Variants in CFAP54 observed in about 807,000 individuals in gnomAD.
The protein encoded by CFAP54 is cilia- and flagella-associated protein 54.
Under a neutral mutation model 370.4 loss-of-function variants are expected in CFAP54, and 290 were observed. The observed-to-expected ratio is 0.78, with a 90% CI of 0.71 to 0.86. The LOEUF is 0.86. Among genes scored for constraint, CFAP54 ranks in the 40% least tolerant of loss-of-function variants. The pLI, the probability that CFAP54 is intolerant of heterozygous loss-of-function variation, is 0.00. For missense variants in CFAP54, 3,399 were observed against 3,528.7 expected (o/e 0.96, Z 0.93); for synonymous variants, 1,206 against 1,236.5 (o/e 0.98, Z 0.52).
chr12:96,744,321 A>G lies in CFAP54; in HGVS notation c.7684+175A>G, dbSNP rs146165420. On this transcript the variant is annotated intron_variant, in intron 55 of 67. Coordinates refer to ENST00000524981, the MANE Select transcript of CFAP54 (RefSeq NM_001306084.2). Reference sequence around the variant, plus strand: ...TATCATATGCCAGACTGTGTGATGTATAGATGGTCTTTATATATGAATAAA... The same window carrying G: ...TATCATATGCCAGACTGTGTGATGTGTAGATGGTCTTTATATATGAATAAA... Among the ~76,000 whole-genome samples the G allele has an allele frequency of 2.6e-4, 39 of 152,338 alleles. No individual in the cohort carries two copies. In the East Asian group the frequency reaches 4.0e-3, roughly 16 times the overall value.
chr12:96,654,267 C>T (rs1316134153), intron 36 of CFAP54, among the ~76,000 whole-genome samples: 1 of 152,000 alleles, frequency 6.6e-6, no homozygotes, highest in South Asian at 2.1e-4. Flanking sequence ...TTTGGGAGGC[C>T]GAGGCGGGCG....
At chr12:96,729,514 G>A (rs1382118645) in intron 50 of CFAP54, among the ~76,000 whole-genome samples, 1 of 152,230 alleles carries the variant, frequency 6.6e-6, no homozygotes, top group Non-Finnish European at 1.5e-5. Context: ...AATTCTCCTG[G>A]TGCGCTGTTT....
At chr12:96,700,576 C>T (rs947964512) in intron 46 of CFAP54, among the ~76,000 whole-genome samples, 4 of 152,212 alleles carry the variant, frequency 2.6e-5, no homozygotes, top group Middle Eastern at 3.4e-3. Flanking sequence ...TATTGTCTAA[C>T]CTTTTTTGAT....
At chr12:96,495,276 C>A (rs1452837522) in intron 1 of CFAP54, among the ~76,000 whole-genome samples, 1 of 145,604 alleles carries the variant, frequency 6.9e-6, no homozygotes, top group African/African-American at 2.5e-5. Flanking sequence ...TTCCTTCCTT[C>A]CTTCCTTCCT....
At chr12:96,592,105 A>G (rs1281188078) in intron 23 of CFAP54, among the ~76,000 whole-genome samples, 2 of 152,114 alleles carry the variant, frequency 1.3e-5, no homozygotes, top group African/African-American at 2.4e-5. Flanking sequence ...CATAGTAGGC[A>G]TTCATCAATT....
rs1329720363 is a variant in CFAP54, at chr12:96,603,244, G to A, written c.3639+4477G>A. 2.0e-5 allele frequency among the ~76,000 whole-genome samples: 3 copies of A among 152,132 alleles called. No individual in the cohort carries two copies. In the East Asian group the frequency reaches 5.8e-4, roughly 29 times the overall value. On this transcript the variant is annotated intron_variant, in intron 26 of 67. Transcript: ENST00000524981. ...TAGTTTGGCTGGATATGAAATTCTGGTTTGAAAATTCTTTTCTTTAAGAAT... is the reference window on the plus strand; with the variant it reads ...TAGTTTGGCTGGATATGAAATTCTGATTTGAAAATTCTTTTCTTTAAGAAT...
intron 60 of CFAP54, among the ~76,000 whole-genome samples, chr12:96,781,312 A>C (rs1057112696): frequency 3.3e-5 from 5 of 152,188 alleles, no homozygotes; most frequent in African/African-American, 1.2e-4. Flanking sequence ...TCATGGTCCA[A>C]ATAAGAAGCG....
intron 26 of CFAP54, among the ~76,000 whole-genome samples, chr12:96,617,931 A>G (rs190734960): frequency 5.7e-4 from 81 of 142,946 alleles, no homozygotes; most frequent in Admixed American, 2.4e-3. Context: ...CAGAGCTTGC[A>G]GTGAGCCGAG....
At chr12:96,630,796 T>C (rs1030698011) in intron 32 of CFAP54, 145 bp downstream of exon 32, 2 of 440,022 alleles carry the variant, frequency 4.5e-6, no homozygotes, top group Admixed American at 4.3e-5. Flanking sequence ...GAAAAAAGCA[T>C]AGTAAACAAG....
At chr12:96,826,591 TA>T (rs540592647) in intron 65 of CFAP54, among the ~76,000 whole-genome samples, 2,927 of 109,810 alleles carry the variant, frequency 0.027, 166 homozygotes, top group African/African-American at 0.1. Context: ...ATGTATTATA[TA>T]AATATATTAT....
In CFAP54 at chr12:96,618,426, G is replaced by C. The variant is rs534095413; in HGVS notation, c.3640-3164G>C. 1.1e-4 allele frequency among the ~76,000 whole-genome samples: 16 copies of C among 152,310 alleles called. No homozygotes were observed. In the South Asian group the frequency reaches 3.3e-3, roughly 32 times the overall value. On this transcript the variant is annotated intron_variant, in intron 26 of 67. Transcript: ENST00000524981. ...CAGCACATGTGGGAGGGGTTAGTCT[G>C]GACAGGAGATTCGCTTCTCGTCTCT...
At chr12:96,661,376 TCTAGCTAG>T (rs970025514) in intron 38 of CFAP54, among the ~76,000 whole-genome samples, 1 of 152,178 alleles carries the variant, frequency 6.6e-6, no homozygotes, top group Non-Finnish European at 1.5e-5. Flanking sequence ...ATCACATCTG[TCTAGCTAG>T]CTAGCTAGCT....
intron 9 of CFAP54, among the ~76,000 whole-genome samples, chr12:96,531,187 T>C (rs1277213968): frequency 1.3e-5 from 2 of 152,164 alleles, no homozygotes; most frequent in Non-Finnish European, 2.9e-5. Flanking sequence ...AAATACAAAC[T>C]CTAAGAATTT....
intron 14 of CFAP54, among the ~76,000 whole-genome samples, chr12:96,541,954 GAT>G (rs1161051948): frequency 6.6e-6 from 1 of 151,684 alleles, no homozygotes; most frequent in African/African-American, 2.4e-5. Context: ...CCATTCAGGA[GAT>G]GTCTTCTCTC....
At chr12:96,847,414 T>C (rs1419577788) in intron 66 of CFAP54, among the ~76,000 whole-genome samples, 1 of 152,154 alleles carries the variant, frequency 6.6e-6, no homozygotes, top group African/African-American at 2.4e-5. Context: ...TTATGGAAGT[T>C]TTATTACATG....
At chr12:96,600,509 C>T (rs1245108323) in intron 26 of CFAP54, among the ~76,000 whole-genome samples, 2 of 151,954 alleles carry the variant, frequency 1.3e-5, no homozygotes, top group Non-Finnish European at 2.9e-5. Flanking sequence ...GTAGTTTTTT[C>T]CCAATTCTGT....
intron 48 of CFAP54, among the ~76,000 whole-genome samples, chr12:96,711,682 G>C (rs1275755031): frequency 6.6e-6 from 1 of 152,176 alleles, no homozygotes; most frequent in Non-Finnish European, 1.5e-5. Context: ...TTAATCATTT[G>C]CTGTATGACC....
At chr12:96,659,092 T>C (rs932547688) in intron 38 of CFAP54, among the ~76,000 whole-genome samples, 4 of 152,186 alleles carry the variant, frequency 2.6e-5, no homozygotes, top group African/African-American at 9.7e-5. Flanking sequence ...CGGTCTCGGC[T>C]CACTGCAGCC....
intron 48 of CFAP54, among the ~76,000 whole-genome samples, chr12:96,710,973 G>A (rs1402540534): frequency 6.6e-6 from 1 of 152,190 alleles, no homozygotes; most frequent in African/African-American, 2.4e-5. Context: ...AGAAGAGTTT[G>A]TGAAGAATTG....
Sources: allele counts gnomAD v4.1 joint callset (sites outside exome capture counted in the v4.1 genomes callset), GRCh38; gene constraint gnomAD v4.1.1; transcripts MANE v1.5; gene names NCBI Gene and HGNC (gene_info 2026-07-23, HGNC 2026-07-21).